MEGF11: variants seen among roughly 807,000 people sequenced by gnomAD.
MEGF11 encodes multiple epidermal growth factor-like domains protein 11.
In MEGF11, 126 loss-of-function variants were observed where a neutral mutation model predicts 146.6. That is an observed-to-expected ratio of 0.86 (90% CI 0.74 to 1.00). The LOEUF is 1.00. Among genes scored for constraint, MEGF11 ranks in the 50% least tolerant of loss-of-function variants. The pLI is 0.00. For missense variants in MEGF11, 1,509 were observed against 1,521.2 expected, an observed-to-expected ratio of 0.99 and a Z score of 0.13; for synonymous variants, 532 against 583.4, an observed-to-expected ratio of 0.91 and a Z score of 1.27.
chr15:65,909,876 G>T (rs775392602), intron 21 of MEGF11, 70 bp from the exon 22 acceptor site: 5 of 1,312,410 alleles, frequency 3.8e-6, no homozygotes, highest in Non-Finnish European at 5.3e-6. Flanking sequence ...TTCACTTTGC[G>T]TAGCTTCAGT....
chr15:65,981,991 G>A (rs1221317345), intron 6 of MEGF11, among the ~76,000 whole-genome samples: 2 of 152,222 alleles, frequency 1.3e-5, no homozygotes, highest in East Asian at 3.8e-4. Flanking sequence ...TGGAAGGAAG[G>A]AATCTGAGAC....
At chr15:66,183,882 T>C (rs147185578) in intron 1 of MEGF11, among the ~76,000 whole-genome samples, 2 of 152,210 alleles carry the variant, frequency 1.3e-5, no homozygotes, top group Non-Finnish European at 2.9e-5. Flanking sequence ...AATCAAGATA[T>C]AAATTGAGCA....
chr15:66,201,734 G>C (rs1597149181), intron 1 of MEGF11, among the ~76,000 whole-genome samples: 1 of 140,750 alleles, frequency 7.1e-6, no homozygotes, highest in South Asian at 2.2e-4. Flanking sequence ...AGGAGGTTGA[G>C]ACCAGCCTGG....
Position 65,957,534 on chromosome 15 carries a change from C to T in MEGF11, c.1287+13G>A, listed in dbSNP as rs760940593. On this transcript the variant is annotated intron_variant, in intron 10 of 25. Coordinates refer to ENST00000395614, the MANE Select transcript of MEGF11 (RefSeq NM_001385028.1). Reference sequence around the variant, plus strand: ...GAGGTCAGGAAGGCCACGGGAGGCCCCTCCCATCTTACCATGAAGCCCGGA... The same window carrying T: ...GAGGTCAGGAAGGCCACGGGAGGCCTCTCCCATCTTACCATGAAGCCCGGA... The T allele has an allele frequency of 6.2e-7, 1 of 1,610,940 alleles. No homozygotes were observed. The highest frequency in any genetic ancestry group is 2.2e-5 in the East Asian group (1 of 44,818).
intron 5 of MEGF11, among the ~76,000 whole-genome samples, chr15:65,996,259 C>T (rs757450715): frequency 3.3e-5 from 5 of 152,192 alleles, no homozygotes; most frequent in Non-Finnish European, 7.3e-5. Flanking sequence ...AAGAGCACGT[C>T]CAAAGGGGGA....
intron 19 of MEGF11, among the ~76,000 whole-genome samples, chr15:65,914,752 G>A (rs758477133): frequency 1.4e-4 from 21 of 152,280 alleles, no homozygotes; most frequent in Non-Finnish European, 2.4e-4. Context: ...AGAATGCAAC[G>A]GAAATCTGTC....
At chr15:66,023,747 T>C (rs1290492474) in intron 5 of MEGF11, among the ~76,000 whole-genome samples, 3 of 152,208 alleles carry the variant, frequency 2.0e-5, no homozygotes, top group African/African-American at 7.2e-5. Context: ...GGCAGATAAT[T>C]GCAGTGAAGC....
At chr15:66,226,607 TA>T (rs2091858919) in intron 1 of MEGF11, among the ~76,000 whole-genome samples, 1 of 152,194 alleles carries the variant, frequency 6.6e-6, no homozygotes, top group Non-Finnish European at 1.5e-5. Context: ...TATATTGTTA[TA>T]ATTGGTCTAT....
In MEGF11 at chr15:66,054,156, G is replaced by A. The variant is rs540383942; in HGVS notation, c.394+40246C>T. ...AGTTCCCTGAAGCCTTCCTGGCAGG[G>A]CTGCCTGGCCCAGCCCCTGTCTCCT... On this transcript the variant is annotated intron_variant, in intron 5 of 25. Transcript: ENST00000395614. Among the ~76,000 whole-genome samples the A allele has an allele frequency of 3.6e-3, 542 of 152,220 alleles. 4 individuals carry two copies. The highest frequency in any genetic ancestry group is 0.012 in the African/African-American group (517 of 41,524).
chr15:66,214,186 C>T (rs555699917), intron 1 of MEGF11, among the ~76,000 whole-genome samples: 261 of 152,108 alleles, frequency 1.7e-3, no homozygotes, highest in African/African-American at 6.1e-3. Context: ...CAGGTGCCCA[C>T]CACCACACCC....
chr15:66,067,231 CCA>C (rs2085165976), intron 5 of MEGF11, among the ~76,000 whole-genome samples: 1 of 152,192 alleles, frequency 6.6e-6, no homozygotes, highest in Admixed American at 6.5e-5. Context: ...CACCTCAGAT[CCA>C]GTCTCGGGCC....
intron 4 of MEGF11, among the ~76,000 whole-genome samples, chr15:66,104,691 A>ACG (rs2086982667): frequency 6.6e-6 from 1 of 152,200 alleles, no homozygotes; most frequent in Non-Finnish European, 1.5e-5. Context: ...TACATTACAG[A>ACG]TAAGAAGCTA....
intron 1 of MEGF11, among the ~76,000 whole-genome samples, chr15:66,243,257 AG>A (rs1310741794): frequency 6.6e-6 from 1 of 152,206 alleles, no homozygotes; most frequent in Non-Finnish European, 1.5e-5. Flanking sequence ...CAAGGGTCCC[AG>A]GTTGACGGTT....
chr15:66,240,214 A>C (rs945475868), intron 1 of MEGF11, among the ~76,000 whole-genome samples: 12 of 152,226 alleles, frequency 7.9e-5, no homozygotes, highest in African/African-American at 2.9e-4. Context: ...GCTCAGAGGA[A>C]AGACACATGA....
At chr15:65,939,348 A>C (rs1461190096) in intron 10 of MEGF11, among the ~76,000 whole-genome samples, 1 of 152,192 alleles carries the variant, frequency 6.6e-6, no homozygotes, top group Non-Finnish European at 1.5e-5. Context: ...AGGCAAAAGC[A>C]CTAGCCCAAG....
At chr15:66,046,677 G>A (rs945796997) in intron 5 of MEGF11, among the ~76,000 whole-genome samples, 11 of 152,168 alleles carry the variant, frequency 7.2e-5, no homozygotes, top group African/African-American at 2.2e-4. Context: ...AGCAGACACC[G>A]TGCCCACTTC....
chr15:66,148,906 G>T (rs1005326003), intron 1 of MEGF11, among the ~76,000 whole-genome samples: 3 of 152,206 alleles, frequency 2.0e-5, no homozygotes, highest in Non-Finnish European at 4.4e-5. Context: ...TCCTGGACAT[G>T]GCTCTGCCAT....
intron 10 of MEGF11, among the ~76,000 whole-genome samples, chr15:65,955,626 C>G (rs1317762854): frequency 6.8e-6 from 1 of 146,486 alleles, no homozygotes; most frequent in Non-Finnish European, 1.5e-5. Flanking sequence ...TGCCTGTAAT[C>G]CCAGCTACTT....
chr15:65,997,017 G>T (rs2082220383), intron 5 of MEGF11, among the ~76,000 whole-genome samples: 1 of 152,190 alleles, frequency 6.6e-6, no homozygotes, highest in Non-Finnish European at 1.5e-5. Flanking sequence ...GTCGCTTTGG[G>T]ATTGGGGACT....
Sources: allele counts gnomAD v4.1 joint callset (sites outside exome capture counted in the v4.1 genomes callset), GRCh38; gene constraint gnomAD v4.1.1; transcripts MANE v1.5; gene names NCBI Gene and HGNC (gene_info 2026-07-23, HGNC 2026-07-21).